ROBO2: variants seen among roughly 807,000 people sequenced by gnomAD.
ROBO2 encodes the protein roundabout guidance receptor 2.
A neutral mutation model predicts 160.8 loss-of-function variants in ROBO2; 53 were observed. That is an observed-to-expected ratio of 0.33 (90% CI 0.26 to 0.41). ROBO2 has a LOEUF of 0.41. Among genes scored for constraint, ROBO2 ranks in the 10% least tolerant of loss-of-function variants. The pLI is 1.00. For missense variants in ROBO2, 1,577 were observed against 1,722.4 expected, an observed-to-expected ratio of 0.92 and a Z score of 1.49; for synonymous variants, 664 against 611.7, an observed-to-expected ratio of 1.09 and a Z score of -1.26.
intron 24 of ROBO2, among the ~76,000 whole-genome samples, chr3:77,636,397 T>A (rs6779966): frequency 0.61 from 92,633 of 151,590 alleles, 28,580 homozygotes; most frequent in South Asian, 0.72. Context: ...ATCAAAACCA[T>A]CCTGGTCAAC....
chr3:76,900,155 C>T (rs1350333139), intron 2 of ROBO2, among the ~76,000 whole-genome samples: 2 of 152,278 alleles, frequency 1.3e-5, no homozygotes, highest in East Asian at 1.9e-4. Flanking sequence ...TCATGAGCCT[C>T]ATTCACTATC....
At chr3:76,736,066 G>A (rs1576323295) in intron 2 of ROBO2, among the ~76,000 whole-genome samples, 2 of 151,638 alleles carry the variant, frequency 1.3e-5, no homozygotes, top group Non-Finnish European at 2.9e-5. Context: ...GGCGGATCAC[G>A]AGGTCAGGAG....
intron 2 of ROBO2, among the ~76,000 whole-genome samples, chr3:76,341,886 G>C (rs1264328059): frequency 6.6e-6 from 1 of 152,140 alleles, no homozygotes; most frequent in Non-Finnish European, 1.5e-5. Context: ...CTATGGTGGA[G>C]ACTTCTAGCA....
intron 2 of ROBO2, among the ~76,000 whole-genome samples, chr3:77,154,631 C>T (rs527779860): frequency 3.3e-5 from 5 of 152,118 alleles, no homozygotes; most frequent in Admixed American, 1.3e-4. Context: ...AGGTGACCAT[C>T]GGCGGTGGAC....
intron 2 of ROBO2, among the ~76,000 whole-genome samples, chr3:76,626,724 A>G (rs6763019): frequency 0.63 from 94,823 of 151,416 alleles, 29,920 homozygotes; most frequent in East Asian, 0.74. Flanking sequence ...ACGGAGTCTC[A>G]CTCTGTCGCC....
intron 1 of ROBO2, among the ~76,000 whole-genome samples, chr3:77,066,353 A>T (rs568359669): frequency 6.6e-6 from 1 of 152,190 alleles, no homozygotes; most frequent in Non-Finnish European, 1.5e-5. Context: ...ATTATATTAG[A>T]TGTCAAAAGA....
chr3:76,362,882 G>T (rs554911591), intron 2 of ROBO2, among the ~76,000 whole-genome samples: 1 of 152,192 alleles, frequency 6.6e-6, no homozygotes, highest in East Asian at 1.9e-4. Flanking sequence ...AACAGAAACT[G>T]TTACGCCAGT....
chr3:77,522,819 T>G, exon 6 of ROBO2: 1 of 1,609,516 alleles, frequency 6.2e-7, no homozygotes, highest in Non-Finnish European at 8.5e-7. Context: ...AAAAAGACCA[T>G]GAGTACAGAT....
At chr3:77,563,238 A>T in exon 11 of ROBO2, 1 of 1,613,668 alleles carries the variant, frequency 6.2e-7, no homozygotes, top group African/African-American at 1.3e-5. Flanking sequence ...ACCGCAGGTC[A>T]CTGATGTTAC....
At chr3:76,700,100 G>A (rs796628407) in intron 2 of ROBO2, among the ~76,000 whole-genome samples, 1 of 152,064 alleles carries the variant, frequency 6.6e-6, no homozygotes, top group Non-Finnish European at 1.5e-5. Context: ...AAACTTCTTG[G>A]CAAACAGATG....
chr3:76,228,816 C>T, intron 2 of ROBO2, among the ~76,000 whole-genome samples: 1 of 152,212 alleles, frequency 6.6e-6, no homozygotes, highest in South Asian at 2.1e-4. Flanking sequence ...GATTTCATTT[C>T]CATGAAATTG....
intron 2 of ROBO2, among the ~76,000 whole-genome samples, chr3:76,544,202 C>A (rs2082968525): frequency 6.6e-6 from 1 of 151,970 alleles, no homozygotes; most frequent in African/African-American, 2.4e-5. Flanking sequence ...ATCCTTCCTA[C>A]TTTTCTTCAC....
intron 2 of ROBO2, among the ~76,000 whole-genome samples, chr3:77,407,961 A>G (rs943627708): frequency 6.6e-6 from 1 of 152,168 alleles, no homozygotes; most frequent in Non-Finnish European, 1.5e-5. Flanking sequence ...GCATTAGTAT[A>G]AATCTTTAGC....
intron 24 of ROBO2, 147 bp downstream of exon 26, chr3:77,643,090 C>G (rs910434563): frequency 5.3e-6 from 2 of 374,312 alleles, no homozygotes; most frequent in Non-Finnish European, 1.1e-5. Context: ...GAGATTTTAC[C>G]AGTACATGCC....
chr3:76,489,153 T>TG (rs1476943520), intron 2 of ROBO2, among the ~76,000 whole-genome samples: 2 of 130,016 alleles, frequency 1.5e-5, no homozygotes, highest in African/African-American at 3.5e-5. Context: ...TTCTTTTTTT[T>TG]GTTTTTTTTT....
At chr3:77,175,386 T>C (rs991785476) in intron 2 of ROBO2, among the ~76,000 whole-genome samples, 3 of 151,956 alleles carry the variant, frequency 2.0e-5, no homozygotes, top group Non-Finnish European at 4.4e-5. Context: ...TAGCATGAAA[T>C]AGGAACAGAA....
intron 2 of ROBO2, among the ~76,000 whole-genome samples, chr3:76,242,085 C>T (rs2107518746): frequency 6.6e-6 from 1 of 152,186 alleles, no homozygotes; most frequent in Admixed American, 6.5e-5. Context: ...TGACTGAAAA[C>T]TTTGAGACAT....
intron 2 of ROBO2, among the ~76,000 whole-genome samples, chr3:76,862,746 G>A (rs901831445): frequency 6.6e-6 from 1 of 151,992 alleles, no homozygotes; most frequent in African/African-American, 2.4e-5. Flanking sequence ...TTTCTCAAAT[G>A]CCAAGATGTC....
At chr3:76,309,947 C>T (rs1220335852) in intron 2 of ROBO2, among the ~76,000 whole-genome samples, 6 of 152,120 alleles carry the variant, frequency 3.9e-5, no homozygotes, top group Admixed American at 1.3e-4. Flanking sequence ...CCTCAGCCTC[C>T]TGAGTAGCTG....
Sources: gnomAD v4.1 joint callset for allele counts (sites outside exome capture counted in the v4.1 genomes callset) on GRCh38, gnomAD v4.1.1 for gene constraint, MANE v1.5 for transcripts, NCBI Gene and HGNC (gene_info 2026-07-23, HGNC 2026-07-21) for gene names.